NUP210: variants seen among roughly 807,000 people sequenced by gnomAD.
NUP210 encodes the protein nuclear pore membrane glycoprotein 210.
NUP210 carries 151 observed loss-of-function variants against 196.0 expected under a neutral mutation model. That is an observed-to-expected ratio of 0.77 (90% CI 0.67 to 0.88). The LOEUF (loss-of-function observed/expected upper bound fraction) is 0.88. Ranked by LOEUF, NUP210 falls within the 40% of genes least tolerant of loss-of-function variation. The pLI, the probability that NUP210 is intolerant of heterozygous loss-of-function variation, is 0.00. For missense variants in NUP210, 2,314 were observed against 2,493.7 expected (o/e 0.93, Z 1.53); for synonymous variants, 1,070 against 1,052.7 (o/e 1.02, Z -0.32).
chr3:13,330,310 T>G lies in NUP210; in HGVS notation c.4110+150A>C, dbSNP rs144579522. The stretch of plus-strand genomic sequence containing the variant: ...CCAGAAGATGCTGTAGCTTTTTATC[T>G]ACCTAGGACCTTTGCCCCTGAGTTA... On this transcript the variant is annotated intron_variant, in intron 30 of 39. Coordinates refer to ENST00000254508, the MANE Select transcript of NUP210 (RefSeq NM_024923.4). 3.2e-5 allele frequency: 21 copies of G among 647,000 alleles called. No individual in the cohort carries two copies. In the African/African-American group the frequency reaches 3.5e-4, roughly 11 times the overall value. The allele number at this position is 647,000 out of a possible 1,614,324, so 40.1% of individuals were successfully genotyped here.
At chr3:13,371,685 G>C (rs760578886) in intron 13 of NUP210, 149 bp downstream of exon 13, 7 of 720,406 alleles carry the variant, frequency 9.7e-6, no homozygotes, top group Non-Finnish European at 1.4e-5. Flanking sequence ...GGAACAGACT[G>C]TGGATCAGGA....
intron 20 of NUP210, chr3:13,344,749 T>A (rs1697654592): frequency 5.9e-6 from 1 of 168,638 alleles, no homozygotes; most frequent in Admixed American, 6.5e-5. Flanking sequence ...CCACTACACT[T>A]ACGCTCCAGC....
chr3:13,386,514 A>G (rs929765266), intron 5 of NUP210, 107 bp from the exon 6 acceptor site: 26 of 1,373,452 alleles, frequency 1.9e-5, no homozygotes, highest in Non-Finnish European at 2.5e-5. Flanking sequence ...AGGGAAGTTA[A>G]GAGGAAAGAA....
At chr3:13,330,767 C>T (rs1313281678) in intron 29 of NUP210, 133 bp from the exon 30 acceptor site, 12 of 800,928 alleles carry the variant, frequency 1.5e-5, no homozygotes, top group Middle Eastern at 3.7e-4. Context: ...CTTGGCCCCA[C>T]GGACCTCAGG....
rs59291391 is a variant in NUP210, at chr3:13,350,692, C to CTTTTT, written c.2835+1182_2835+1186dup. ...AGTTACAGGAAAAAAAATAGAAATT[C>CTTTTT]TTTTTTTTTTTTTTTTTTTGAGATG... On this transcript the variant is annotated intron_variant, in intron 20 of 39. Coordinates refer to ENST00000254508, the MANE Select transcript of NUP210 (RefSeq NM_024923.4). This position sits in a 1 kb window ranked among gnomAD's most constrained non-coding sequence, Gnocchi z 4.1. 2.3e-5 allele frequency among the ~76,000 whole-genome samples: 3 copies of CTTTTT among 131,504 alleles called. No individual in the cohort carries two copies. Among genetic ancestry groups the CTTTTT allele is most frequent in the African/African-American group, 5.6e-5 (2 of 35,478 alleles). The allele number at this position is 131,504 out of a possible 152,430, so 86.3% of individuals were successfully genotyped here. A position where few individuals can be genotyped will look rare whatever the true frequency, so the allele number is the denominator to read the frequency against.
At position 13,366,043 on chromosome 3, in the gene NUP210, G is replaced by C; in HGVS notation, c.1835C>G (p.Ala612Gly). Residue 612 changes from alanine to glycine, a missense_variant, in exon 14 of 40, where the codon GCC becomes GGC. Coordinates refer to ENST00000254508, the MANE Select transcript of NUP210 (RefSeq NM_024923.4). ...AAGCGTGGTAGAGCCCTGGGCCTCG[G>C]CCTTTACCCGGATGCCGCTGCAGTG... ...SEHCSGIRVK[A>G]EAQGSTTLLV... 6.2e-7 allele frequency: 1 copy of C among 1,614,190 alleles called. No individual in the cohort carries two copies. The highest frequency in any genetic ancestry group is 8.5e-7 in the Non-Finnish European group (1 of 1,180,008).
At chr3:13,352,219 G>A (rs375239533) in intron 18 of NUP210, 35 bp from the exon 19 acceptor site, 58 of 1,518,400 alleles carry the variant, frequency 3.8e-5, no homozygotes, top group Middle Eastern at 2.2e-4. Flanking sequence ...AGATCCAGGA[G>A]GACATGATTA....
At chr3:13,349,868 C>T (rs980924808) in intron 20 of NUP210, among the ~76,000 whole-genome samples, 2 of 152,110 alleles carry the variant, frequency 1.3e-5, no homozygotes, top group African/African-American at 4.8e-5. Flanking sequence ...CAGAGACAAA[C>T]GGAAAAAGAG....
rs1697175761 is a variant in NUP210 at position 13,335,504 on chromosome 3, C to A, written c.3793G>T (p.Gly1265Trp). 6.2e-7 allele frequency: 1 copy of A among 1,613,988 alleles called. No homozygotes were observed. The highest frequency in any genetic ancestry group is 1.1e-5 in the South Asian group (1 of 91,092). ...VVVKAVDPTS[G>W]QLYGLARELS... The stretch of plus-strand genomic sequence containing the variant: ...TCTCTGGCCAGGCCATACAGCTGCC[C>A]CGATGTGGGGTCCACAGCCTTGACC... The change falls in exon 28 of 40, where the codon GGG (glycine) becomes TGG (tryptophan). Residue 1265 changes from glycine (G) to tryptophan (W), a missense_variant. Transcript: ENST00000254508.
chr3:13,384,621 C>A (rs550761736), intron 6 of NUP210, among the ~76,000 whole-genome samples: 1 of 152,248 alleles, frequency 6.6e-6, no homozygotes, highest in Non-Finnish European at 1.5e-5. Flanking sequence ...AACTGCCCAA[C>A]ACTGAGGAAA....
At chr3:13,349,561 C>T (rs1210239331) in intron 20 of NUP210, among the ~76,000 whole-genome samples, 6 of 152,212 alleles carry the variant, frequency 3.9e-5, no homozygotes, top group African/African-American at 1.4e-4. Context: ...GCCCCACTCA[C>T]CAAGGACCCA....
intron 13 of NUP210, among the ~76,000 whole-genome samples, chr3:13,369,648 C>T (rs1698658676): frequency 6.6e-6 from 1 of 152,170 alleles, no homozygotes; most frequent in African/African-American, 2.4e-5. Context: ...GTGGTTGTCC[C>T]AGCACCATTT....
At chr3:13,361,680 T>G (rs1698376513) in intron 14 of NUP210, among the ~76,000 whole-genome samples, 1 of 152,110 alleles carries the variant, frequency 6.6e-6, no homozygotes, top group African/African-American at 2.4e-5. Context: ...GCTAGACCCA[T>G]CTACTCTCCC....
intron 3 of NUP210, among the ~76,000 whole-genome samples, chr3:13,396,375 C>G (rs560731303): frequency 2.6e-5 from 4 of 152,160 alleles, no homozygotes; most frequent in African/African-American, 9.6e-5. Flanking sequence ...TTGGTTTGGA[C>G]TTGGTTTGGG....
intron 14 of NUP210, among the ~76,000 whole-genome samples, chr3:13,360,935 AC>A (rs1245900585): frequency 6.6e-6 from 1 of 152,260 alleles, no homozygotes; most frequent in Non-Finnish European, 1.5e-5. Flanking sequence ...GGGGCTCAGT[AC>A]ACATGGTGTT....
At chr3:13,389,210 C>T (rs150702632) in intron 4 of NUP210, among the ~76,000 whole-genome samples, 2 of 152,382 alleles carry the variant, frequency 1.3e-5, no homozygotes, top group African/African-American at 2.4e-5. Context: ...GACAATCCAG[C>T]TCCAACCCGC....
At chr3:13,386,202 GT>G in intron 6 of NUP210, 72 bp downstream of exon 6, 5 of 1,530,068 alleles carry the variant, frequency 3.3e-6, no homozygotes, top group Non-Finnish European at 4.4e-6. Flanking sequence ...GGTAAATTTT[GT>G]TACATGTATG....
chr3:13,401,966 G>T (rs1192201590), intron 1 of NUP210, among the ~76,000 whole-genome samples: 1 of 152,052 alleles, frequency 6.6e-6, no homozygotes, highest in Non-Finnish European at 1.5e-5. Context: ...AGGCTGAGGT[G>T]GGAGGATCAT....
intron 5 of NUP210, 22 bp downstream of exon 5, chr3:13,388,281 C>T (rs1301089391): frequency 1.9e-6 from 3 of 1,569,156 alleles, no homozygotes; most frequent in Non-Finnish European, 2.6e-6. Flanking sequence ...AGCCCACTGA[C>T]ACCCCAGCGC....
Sources: gnomAD v4.1 joint callset for allele counts (sites outside exome capture counted in the v4.1 genomes callset) on GRCh38, gnomAD v4.1.1 for gene constraint, Gnocchi (gnomAD v3.1) non-coding constraint, MANE v1.5 for transcripts, NCBI Gene and HGNC (gene_info 2026-07-23, HGNC 2026-07-21) for gene names.